PSMA2: variants seen among roughly 807,000 people sequenced by gnomAD.
PSMA2 encodes the protein proteasome subunit alpha type-2.
In PSMA2, 2 loss-of-function variants were observed where a neutral mutation model predicts 35.9. The ratio of observed to expected loss-of-function variants is 0.06; its 90% confidence interval spans 0.02 to 0.18. The LOEUF is 0.18. PSMA2 is among the 10% of genes least tolerant of loss of function. PSMA2 has a pLI of 1.00. For synonymous variants in PSMA2, 97 were observed against 98.2 expected, an observed-to-expected ratio of 0.99 and a Z score of 0.07; for missense variants, 126 against 278.8, an observed-to-expected ratio of 0.45 and a Z score of 3.90.
chr7:42,923,723 G>C (rs1241804604), intron 4 of PSMA2, among the ~76,000 whole-genome samples: 1 of 151,990 alleles, frequency 6.6e-6, no homozygotes, highest in Non-Finnish European at 1.5e-5. Flanking sequence ...TTTTCCACTA[G>C]GTTTACCTAT....
At position 42,926,604 on chromosome 7, in the gene PSMA2, A is replaced by C. The variant is rs768165675; in HGVS notation, c.183T>G (p.Ser61Arg). Residue 61 changes from serine (S) to arginine (R), a missense_variant, in exon 3 of 8, where the codon AGT (serine) becomes AGG (arginine). Transcript: ENST00000223321. ...TGGTAATTGGTTCTACTTTGTGTAC[A>C]CTTCGCTCATCATACAGAATGGATT... ...KQKSILYDER[S>R]VHKVEPITKH... 6.2e-7 allele frequency: 1 copy of C among 1,612,686 alleles called. No homozygotes were observed. The highest frequency in any genetic ancestry group is 1.1e-5 in the South Asian group (1 of 90,742).
At chr7:42,920,928 CTCAT>C (rs1475746649) in intron 6 of PSMA2, 2 of 152,082 alleles carry the variant, frequency 1.3e-5, no homozygotes. Context: ...CATGTTGTCA[CTCAT>C]ATGTGGGAGC....
Position 42,932,112 on chromosome 7 carries a change from C to A in PSMA2, c.41+6G>T. 1 of 1,614,176 alleles carries A rather than the reference C, an allele frequency of 6.2e-7. No individual in the cohort carries two copies. The highest frequency in any genetic ancestry group is 8.5e-7 in the Non-Finnish European group (1 of 1,180,038). ...ACGCTGAAGACCTCGAGGGCCCCTT[C>A]CATACCTGAATGTAGTCAGCGAAAA... On this transcript the variant is annotated splice_donor_region_variant and intron_variant, in intron 1 of 7. Transcript: ENST00000223321.
At chr7:42,918,742 T>G (rs1786072829) in intron 6 of PSMA2, 1 of 155,680 alleles carries the variant, frequency 6.4e-6, no homozygotes, top group African/African-American at 2.4e-5. Flanking sequence ...ACCACCTCCA[T>G]AGCAATGAGA....
At position 42,917,636 on chromosome 7, in the gene PSMA2, C is replaced by T; in HGVS notation, c.643G>A (p.Glu215Lys). 6.2e-7 allele frequency: 1 copy of T among 1,613,640 alleles called. No homozygotes were observed. The highest frequency in any genetic ancestry group is 8.5e-7 in the Non-Finnish European group (1 of 1,179,940). Reference protein sequence around the residue: ...EDNIEVGICNEAGFRRLTPTE... With the variant: ...EDNIEVGICNKAGFRRLTPTE... ...GGAGTAAGCCTCCTAAATCCAGCTT[C>T]ATTGCAGATTCCAACTTCTATGTTA... is the stretch of plus-strand genomic sequence containing the variant. The change falls in exon 8 of 8, where the codon GAA (glutamate) becomes AAA (lysine). Residue 215 changes from glutamate (E) to lysine (K), a missense_variant. Coordinates refer to ENST00000223321, the MANE Select transcript of PSMA2 (RefSeq NM_002787.5).
chr7:42,927,612 A>T, intron 1 of PSMA2, 153 bp from the exon 2 acceptor site: 1 of 701,216 alleles, frequency 1.4e-6, no homozygotes, highest in Non-Finnish European at 2.4e-6. Context: ...GTGGCACAGA[A>T]ACCAAGTTTA....
chr7:42,925,469 A>C (rs911684267), intron 3 of PSMA2, among the ~76,000 whole-genome samples: 1 of 152,180 alleles, frequency 6.6e-6, no homozygotes, highest in African/African-American at 2.4e-5. Context: ...TCTCTGTTTA[A>C]TGGACTTTCC....
chr7:42,921,730 T>C, intron 6 of PSMA2, 128 bp downstream of exon 6: 1 of 604,404 alleles, frequency 1.7e-6, no homozygotes, highest in Non-Finnish European at 2.7e-6. Flanking sequence ...TTGGTTTATC[T>C]GTAACTAGAT....
At chr7:42,923,493 A>C (rs1583606915) in intron 4 of PSMA2, 87 bp from the exon 5 acceptor site, 1 of 960,874 alleles carries the variant, frequency 1.0e-6, no homozygotes, top group East Asian at 2.5e-5. Context: ...AAATAAAGCA[A>C]ATTATCAGGC....
At chr7:42,930,225 G>GCACA (rs60660330) in intron 1 of PSMA2, among the ~76,000 whole-genome samples, 4 of 150,266 alleles carry the variant, frequency 2.7e-5, no homozygotes, top group African/African-American at 9.8e-5. Context: ...ACACACACAC[G>GCACA]CACACACACA....
At chr7:42,917,738 T>A in intron 7 of PSMA2, 40 bp downstream of exon 7, 1 of 1,610,534 alleles carries the variant, frequency 6.2e-7, no homozygotes, top group Non-Finnish European at 8.5e-7. Context: ...CAGTTAATCA[T>A]GAAATCATTA....
chr7:42,931,767 G>GA (rs59443882), intron 1 of PSMA2, among the ~76,000 whole-genome samples: 2,479 of 152,120 alleles, frequency 0.016, 67 homozygotes, highest in African/African-American at 0.057. Flanking sequence ...CTTGAGCCAG[G>GA]AAAAAAATCC....
At chr7:42,928,313 G>C (rs1044159422) in intron 1 of PSMA2, among the ~76,000 whole-genome samples, 1 of 152,170 alleles carries the variant, frequency 6.6e-6, no homozygotes, top group African/African-American at 2.4e-5. Context: ...ATGTTATTAA[G>C]AACATGTATG....
intron 2 of PSMA2, 27 bp downstream of exon 2, chr7:42,927,356 T>A (rs375535819): frequency 1.4e-5 from 22 of 1,579,238 alleles, no homozygotes; most frequent in Non-Finnish European, 1.9e-5. Flanking sequence ...CTAACAGGCA[T>A]CTGAAATGAA....
At position 42,930,968 on chromosome 7, in the gene PSMA2, C is replaced by A. The variant is rs1056911102; in HGVS notation, c.41+1150G>T. 8 of 294,856 alleles carry A rather than the reference C, an allele frequency of 2.7e-5. 1 individual carries two copies. The highest frequency in any genetic ancestry group is 2.1e-4 in the South Asian group (8 of 37,322). The allele number at this position is 294,856 out of a possible 1,614,324, so 18.3% of individuals were successfully genotyped here. On this transcript the variant is annotated intron_variant, in intron 1 of 7. Coordinates refer to ENST00000223321, the MANE Select transcript of PSMA2 (RefSeq NM_002787.5). Reference sequence around the variant, plus strand: ...AAGGTTACAAAAAAACTATTACATACACCCACTGCTTACTGAAAACTGCCA... The same window carrying A: ...AAGGTTACAAAAAAACTATTACATAAACCCACTGCTTACTGAAAACTGCCA...
chr7:42,919,562 C>T (rs1368219769), intron 6 of PSMA2: 1 of 516,340 alleles, frequency 1.9e-6, no homozygotes, highest in Non-Finnish European at 3.8e-6. Flanking sequence ...GATCATGCTA[C>T]TATGACAGAA....
Position 42,924,750 on chromosome 7 carries a change from A to G in PSMA2, c.299T>C (p.Val100Ala), listed in dbSNP as rs770113879. 5.0e-6 allele frequency: 8 copies of G among 1,613,200 alleles called. No individual in the cohort carries two copies. Among genetic ancestry groups the G allele is most frequent in the African/African-American group, 1.3e-5 (1 of 74,914 alleles). The change falls in exon 4 of 8, where the codon GTG (valine) becomes GCG (alanine). Residue 100 changes from valine to alanine, a missense_variant. Physicochemically the swap from Val to Ala is moderately conservative, Grantham distance 64. Coordinates refer to ENST00000223321, the MANE Select transcript of PSMA2 (RefSeq NM_002787.5). ...AGCTGTAGGAATGGGTTCTTGGTAC[A>G]CAAGATAGTATTGTTGAGCTAGTTT... ...ARKLAQQYYL[V>A]YQEPIPTAQL...
intron 5 of PSMA2, 106 bp from the exon 6 acceptor site, chr7:42,922,037 GGTCACAGAATATTATTAGAATGGAAAAC>G (rs1786135721): frequency 8.6e-6 from 7 of 810,644 alleles, no homozygotes; most frequent in South Asian, 1.8e-5. Flanking sequence ...TAACTTCGAA[GGTCACAGAATATTATTAGAATGGAAAAC>G]GTCACAGAAT....
intron 1 of PSMA2, among the ~76,000 whole-genome samples, chr7:42,928,661 G>A (rs590246): frequency 0.77 from 117,331 of 152,168 alleles, 47,108 homozygotes; most frequent in South Asian, 0.91. Flanking sequence ...CTTATCTCCC[G>A]TCTACTAATG....
Sources: gnomAD v4.1 joint callset for allele counts (sites outside exome capture counted in the v4.1 genomes callset) on GRCh38, gnomAD v4.1.1 for gene constraint, MANE v1.5 for transcripts, NCBI Gene and HGNC (gene_info 2026-07-23, HGNC 2026-07-21) for gene names.